Variants in SHISA6 observed in about 807,000 individuals in gnomAD.
SHISA6 encodes the protein shisa family member 6.
SHISA6 carries 22 observed loss-of-function variants against 47.9 expected under a neutral mutation model. The ratio of observed to expected loss-of-function variants is 0.46; its 90% CI spans 0.33 to 0.66. SHISA6 has a LOEUF of 0.66. Ranked by LOEUF, SHISA6 falls within the 30% of genes least tolerant of loss-of-function variation. SHISA6 has a pLI of 0.02. For synonymous variants in SHISA6, 388 were observed against 337.8 expected, an observed-to-expected ratio of 1.15 and a Z score of -1.63; for missense variants, 680 against 764.6, an observed-to-expected ratio of 0.89 and a Z score of 1.30.
chr17:11,262,324 G>A (rs919171821), intron 1 of SHISA6, among the ~76,000 whole-genome samples: 4 of 152,176 alleles, frequency 2.6e-5, no homozygotes, highest in Admixed American at 1.3e-4. Context: ...GACACCCCTC[G>A]AGAAGATGGA....
intron 3 of SHISA6, among the ~76,000 whole-genome samples, chr17:11,455,429 T>C (rs1328196014): frequency 1.3e-5 from 2 of 152,184 alleles, no homozygotes; most frequent in African/African-American, 4.8e-5. Context: ...AGCAAATTCA[T>C]GGAAGAGGAG....
chr17:11,293,295 A>G (rs1567563217), intron 2 of SHISA6, among the ~76,000 whole-genome samples: 2 of 152,222 alleles, frequency 1.3e-5, no homozygotes, highest in East Asian at 3.9e-4. Context: ...TGCATTGGGG[A>G]TACATTTTAG....
intron 2 of SHISA6, among the ~76,000 whole-genome samples, chr17:11,271,599 G>A (rs1330297244): frequency 7.6e-6 from 1 of 131,596 alleles, no homozygotes; most frequent in East Asian, 2.2e-4. Context: ...CACCACGCCT[G>A]GCTTTTTTTT....
chr17:11,411,421 G>A (rs1030412173), intron 3 of SHISA6, among the ~76,000 whole-genome samples: 3 of 151,664 alleles, frequency 2.0e-5, no homozygotes, highest in African/African-American at 7.3e-5. Context: ...GTTTGAGATG[G>A]AGTCTCACTC....
chr17:11,251,828 G>C (rs1907821768), intron 1 of SHISA6, among the ~76,000 whole-genome samples: 1 of 152,122 alleles, frequency 6.6e-6, no homozygotes, highest in South Asian at 2.1e-4. Context: ...TGGAAAGGAA[G>C]GAATCCTGGG....
intron 2 of SHISA6, among the ~76,000 whole-genome samples, chr17:11,277,936 T>C (rs1285864193): frequency 6.6e-6 from 1 of 150,936 alleles, no homozygotes; most frequent in Non-Finnish European, 1.5e-5. Flanking sequence ...TTAACTAATG[T>C]GGTTTTTCTT....
intron 3 of SHISA6, among the ~76,000 whole-genome samples, chr17:11,398,472 C>T (rs1020412365): frequency 5.3e-5 from 8 of 152,126 alleles, no homozygotes; most frequent in African/African-American, 1.9e-4. Flanking sequence ...TCTTCTCATT[C>T]AGAAGACTGT....
intron 2 of SHISA6, among the ~76,000 whole-genome samples, chr17:11,362,433 G>T (rs1912319778): frequency 6.6e-6 from 1 of 152,150 alleles, no homozygotes. Flanking sequence ...GAGTCACTGT[G>T]CCTGGCCAGG....
chr17:11,440,600 C>T (rs1017646884), intron 3 of SHISA6, among the ~76,000 whole-genome samples: 1 of 148,092 alleles, frequency 6.8e-6, no homozygotes, highest in Non-Finnish European at 1.5e-5. Flanking sequence ...CTCTAAGCAT[C>T]CGTTTGCTCA....
At chr17:11,463,495 C>T (rs1443641263) in intron 3 of SHISA6, among the ~76,000 whole-genome samples, 1 of 152,172 alleles carries the variant, frequency 6.6e-6, no homozygotes, top group African/African-American at 2.4e-5. Flanking sequence ...AGCCTCTTCT[C>T]CAATCCCACC....
rs530385507 is a variant in SHISA6, at chr17:11,448,652, C to T, written c.895+69143C>T. On this transcript the variant is annotated intron_variant, in intron 3 of 5. Transcript: ENST00000441885. ...GACCAGCCTGGCCAACATAGTGAAA[C>T]CTGATCTCTACTAAAATACAAAAAT... Among the ~76,000 whole-genome samples the T allele has an allele frequency of 1.3e-4, 19 of 151,562 alleles. No individual in the cohort carries two copies. In the South Asian group the frequency reaches 4.0e-3, roughly 32 times the overall value.
intron 2 of SHISA6, among the ~76,000 whole-genome samples, chr17:11,324,657 C>A (rs1392137960): frequency 1.3e-5 from 2 of 152,146 alleles, no homozygotes; most frequent in Non-Finnish European, 2.9e-5. Context: ...TCGTTCAACT[C>A]CTCAAGACCC....
intron 1 of SHISA6, among the ~76,000 whole-genome samples, chr17:11,249,983 G>A (rs191685751): frequency 2.6e-5 from 4 of 152,304 alleles, no homozygotes; most frequent in East Asian, 1.9e-4. Flanking sequence ...CATGAGGAAC[G>A]ACAATTATTG....
At chr17:11,375,547 A>AT (rs1912771549) in intron 2 of SHISA6, among the ~76,000 whole-genome samples, 4 of 151,724 alleles carry the variant, frequency 2.6e-5, no homozygotes, top group Admixed American at 2.6e-4. Flanking sequence ...ATATTATCTC[A>AT]TTTTTTTCCC....
chr17:11,266,000 C>T (rs1343274302), intron 2 of SHISA6, among the ~76,000 whole-genome samples: 2 of 152,202 alleles, frequency 1.3e-5, no homozygotes, highest in South Asian at 2.1e-4. Flanking sequence ...AGTATCCTGG[C>T]CCAGAAAGCA....
intron 3 of SHISA6, among the ~76,000 whole-genome samples, chr17:11,487,789 C>T (rs944776257): frequency 6.6e-6 from 1 of 152,124 alleles, no homozygotes; most frequent in Admixed American, 6.5e-5. Context: ...TGCCCCCTCC[C>T]GAGAACCTGG....
intron 3 of SHISA6, among the ~76,000 whole-genome samples, chr17:11,488,743 GC>G (rs1374087510): frequency 6.6e-6 from 1 of 152,152 alleles, no homozygotes; most frequent in Non-Finnish European, 1.5e-5. Context: ...TCAGGCAGAA[GC>G]CCCAGGGCTA....
At chr17:11,357,259 T>C (rs1215004389) in intron 2 of SHISA6, among the ~76,000 whole-genome samples, 1 of 151,344 alleles carries the variant, frequency 6.6e-6, no homozygotes, top group Non-Finnish European at 1.5e-5. Context: ...TTCAGAGGCC[T>C]GTGGTGGTAA....
At chr17:11,265,974 G>A (rs1326586807) in intron 2 of SHISA6, among the ~76,000 whole-genome samples, 2 of 152,128 alleles carry the variant, frequency 1.3e-5, no homozygotes, top group East Asian at 1.9e-4. Context: ...TTCACTTTGC[G>A]CTTAGAGATG....
Sources: allele counts gnomAD v4.1 joint callset (sites outside exome capture counted in the v4.1 genomes callset), GRCh38; gene constraint gnomAD v4.1.1; transcripts MANE v1.5; gene names NCBI Gene and HGNC (gene_info 2026-07-23, HGNC 2026-07-21).